The following PLEKHA5 variants were observed in gnomAD, a reference collection of about 807,000 sequenced individuals.
PLEKHA5 encodes pleckstrin homology domain containing A5, also known as pleckstrin homology domain-containing family A member 5.
Under a neutral mutation model 181.9 loss-of-function variants are expected in PLEKHA5, and 55 were observed. That is an observed-to-expected ratio of 0.30 (90% CI 0.24 to 0.38). The LOEUF (loss-of-function observed/expected upper bound fraction) is 0.38, where lower values mean the gene tolerates loss of function less well. PLEKHA5 is among the 10% of genes least tolerant of loss of function. PLEKHA5 has a pLI of 1.00. For synonymous variants in PLEKHA5, 535 were observed against 529.4 expected (o/e 1.01, Z -0.15); for missense variants, 1,432 against 1,549.5 (o/e 0.92, Z 1.27).
At chr12:19,197,326 C>T (rs2053053124) in intron 3 of PLEKHA5, among the ~76,000 whole-genome samples, 1 of 152,140 alleles carries the variant, frequency 6.6e-6, no homozygotes, top group African/African-American at 2.4e-5. Context: ...TCAAATATGT[C>T]ACCAATACTT....
chr12:19,269,083 TTATTCAAGAATAAA>T (rs1346385662), intron 8 of PLEKHA5, among the ~76,000 whole-genome samples: 4 of 152,024 alleles, frequency 2.6e-5, no homozygotes, highest in Non-Finnish European at 5.9e-5. Flanking sequence ...TAAAGAATAT[TTATTCAAGAATAAA>T]TATTCTTATT....
intron 2 of PLEKHA5, among the ~76,000 whole-genome samples, chr12:19,131,807 T>C (rs1407506553): frequency 1.3e-5 from 2 of 152,206 alleles, no homozygotes; most frequent in African/African-American, 4.8e-5. Context: ...TAGCACATAA[T>C]GACCATTGTT....
At chr12:19,136,869 A>G (rs767941396) in intron 3 of PLEKHA5, among the ~76,000 whole-genome samples, 1 of 152,176 alleles carries the variant, frequency 6.6e-6, no homozygotes, top group Non-Finnish European at 1.5e-5. Flanking sequence ...AGCTGGATCT[A>G]ATGTATGCTA....
At chr12:19,306,961 A>G in intron 15 of PLEKHA5, 1 of 1,269,728 alleles carries the variant, frequency 7.9e-7, no homozygotes. Flanking sequence ...GCCTACTCCT[A>G]ACCCACTTAC....
intron 12 of PLEKHA5, among the ~76,000 whole-genome samples, chr12:19,287,221 C>G (rs2077412400): frequency 6.6e-6 from 1 of 152,122 alleles, no homozygotes; most frequent in Non-Finnish European, 1.5e-5. Context: ...CTAGGCTGGT[C>G]TCGAACTCCT....
intron 3 of PLEKHA5, among the ~76,000 whole-genome samples, chr12:19,242,232 T>C (rs2062758779): frequency 1.4e-5 from 1 of 71,176 alleles, no homozygotes; most frequent in South Asian, 3.1e-4. Context: ...TTCCTTTTTT[T>C]GTTTTTTTTT....
At chr12:19,261,139 G>A (rs2068361252) in intron 7 of PLEKHA5, 118 bp downstream of exon 7, 2 of 526,796 alleles carry the variant, frequency 3.8e-6, no homozygotes, top group East Asian at 3.0e-5. Flanking sequence ...TCAACAAATA[G>A]TATCAAACAG....
At chr12:19,327,558 G>A (rs184064971) in intron 20 of PLEKHA5, among the ~76,000 whole-genome samples, 1 of 151,224 alleles carries the variant, frequency 6.6e-6, no homozygotes, top group African/African-American at 2.4e-5. Context: ...TTACTCCATT[G>A]ATAGTTTCTT....
intron 3 of PLEKHA5, among the ~76,000 whole-genome samples, chr12:19,142,033 C>T (rs1408294205): frequency 6.6e-6 from 1 of 152,072 alleles, no homozygotes; most frequent in Non-Finnish European, 1.5e-5. Flanking sequence ...GTGAAAATTC[C>T]AACTTTCGCT....
intron 15 of PLEKHA5, among the ~76,000 whole-genome samples, chr12:19,292,660 C>G (rs576993433): frequency 6.6e-6 from 1 of 151,144 alleles, no homozygotes; most frequent in African/African-American, 2.4e-5. Context: ...GGCAATGGGC[C>G]GGGTGTGGTG....
At chr12:19,226,996 C>T (rs115232271) in intron 3 of PLEKHA5, among the ~76,000 whole-genome samples, 10 of 151,964 alleles carry the variant, frequency 6.6e-5, no homozygotes, top group Admixed American at 2.0e-4. Flanking sequence ...ATAAGGAAGT[C>T]GGTTATATCC....
At chr12:19,155,589 A>G (rs953543999) in intron 3 of PLEKHA5, among the ~76,000 whole-genome samples, 2 of 152,218 alleles carry the variant, frequency 1.3e-5, no homozygotes, top group Non-Finnish European at 2.9e-5. Flanking sequence ...TTCCTCTGCA[A>G]TTGAAGGTAA....
intron 3 of PLEKHA5, among the ~76,000 whole-genome samples, chr12:19,239,180 A>T (rs189094148): frequency 1.3e-5 from 2 of 152,220 alleles, no homozygotes; most frequent in African/African-American, 4.8e-5. Context: ...TACGAGGAGG[A>T]TATCTTGATC....
Position 19,211,673 on chromosome 12 carries a change from A to C in PLEKHA5, c.228-42267A>C, listed in dbSNP as rs558245163. ...CCTAGTCACAAAAAAAATTTATTTT[A>C]AAGATCTTAATTGGCTTTTATTTGC... On this transcript the variant is annotated intron_variant, in intron 3 of 31. Transcript: ENST00000429027. 5.3e-5 allele frequency among the ~76,000 whole-genome samples: 8 copies of C among 152,354 alleles called. No individual in the cohort carries two copies. In the South Asian group the frequency reaches 1.7e-3, roughly 32 times the overall value.
chr12:19,277,424 A>G (rs752058674), intron 11 of PLEKHA5, among the ~76,000 whole-genome samples: 34 of 152,216 alleles, frequency 2.2e-4, no homozygotes, highest in Non-Finnish European at 4.7e-4. Context: ...AATTAATATC[A>G]GTAAAGTCTT....
intron 25 of PLEKHA5, among the ~76,000 whole-genome samples, chr12:19,350,055 T>C (rs2094519981): frequency 6.6e-6 from 1 of 152,182 alleles, no homozygotes; most frequent in Non-Finnish European, 1.5e-5. Flanking sequence ...GAGGTTGCAG[T>C]GAGCCAAGAT....
At chr12:19,318,528 A>G (rs910764579) in intron 16 of PLEKHA5, among the ~76,000 whole-genome samples, 4 of 152,196 alleles carry the variant, frequency 2.6e-5, no homozygotes, top group Non-Finnish European at 5.9e-5. Context: ...ACTCTGAGAT[A>G]TAGGGTACAT....
chr12:19,369,702 T>A lies in PLEKHA5; in HGVS notation c.3764T>A (p.Leu1255Gln). 1 of 1,606,520 alleles carries A rather than the reference T, an allele frequency of 6.2e-7. No homozygotes were observed. The highest frequency in any genetic ancestry group is 8.5e-7 in the Non-Finnish European group (1 of 1,175,602). The change falls in exon 31 of 32, where the codon CTG becomes CAG. Residue 1255 changes from leucine (L) to glutamine (Q), a missense_variant. This residue lies in a region of PLEKHA5 where 1,143 missense variants were observed against 1,168.4 expected (regional missense o/e 0.98). Transcript: ENST00000429027. ...TCTTTGTGTGTTTTAGTGAAAAGTC[T>A]GTCCCCATCTCCTGAGTCCTCGGCA... ...RGNQTMAVKSLSPSPESSASP... is the reference protein window; with the variant it reads ...RGNQTMAVKSQSPSPESSASP...
intron 20 of PLEKHA5, among the ~76,000 whole-genome samples, chr12:19,325,445 T>G (rs1370760245): frequency 6.6e-6 from 1 of 151,488 alleles, no homozygotes; most frequent in African/African-American, 2.4e-5. Context: ...ATCCCAGCAC[T>G]TTGGGAGGCC....
Sources: allele counts gnomAD v4.1 joint callset (sites outside exome capture counted in the v4.1 genomes callset), GRCh38; gene constraint gnomAD v4.1.1; regional missense constraint gnomAD v4.1.1; transcripts MANE v1.5; gene names NCBI Gene and HGNC (gene_info 2026-07-23, HGNC 2026-07-21).